Variants in TRPC6 observed in about 807,000 individuals in gnomAD.
TRPC6 encodes the protein short transient receptor potential channel 6.
TRPC6 carries 55 observed loss-of-function variants against 90.7 expected under a neutral mutation model. The observed-to-expected ratio is 0.61, with a 90% confidence interval of 0.49 to 0.76. The LOEUF (loss-of-function observed/expected upper bound fraction) is 0.76, where lower values mean the gene tolerates loss of function less well. TRPC6 is among the 30% of genes least tolerant of loss of function. TRPC6 has a pLI of 0.00. For missense variants in TRPC6, 989 were observed against 1,122.7 expected (o/e 0.88, Z 1.70); for synonymous variants, 393 against 393.0 (o/e 1.00, Z 0.00).
At chr11:101,543,153 A>G (rs1861215402) in intron 1 of TRPC6, among the ~76,000 whole-genome samples, 1 of 152,132 alleles carries the variant, frequency 6.6e-6, no homozygotes. Flanking sequence ...GTATGTGAAA[A>G]GGTGCTCAAC....
chr11:101,530,832 TAATA>T (rs1258434941), intron 1 of TRPC6, among the ~76,000 whole-genome samples: 3 of 152,012 alleles, frequency 2.0e-5, no homozygotes, highest in Non-Finnish European at 2.9e-5. Flanking sequence ...ATAAGATATT[TAATA>T]AATAAATAGA....
At chr11:101,567,374 G>A (rs1367545809) in intron 1 of TRPC6, among the ~76,000 whole-genome samples, 2 of 151,164 alleles carry the variant, frequency 1.3e-5, no homozygotes, top group Non-Finnish European at 2.9e-5. Context: ...GCCCTAGTCA[G>A]GAACTTAGAA....
intron 1 of TRPC6, among the ~76,000 whole-genome samples, chr11:101,567,347 G>GAA (rs34489792): frequency 0.14 from 20,899 of 149,188 alleles, 1,932 homozygotes; most frequent in East Asian, 0.4. Flanking sequence ...GGGCATCTCT[G>GAA]AAAAAAAAAA....
intron 1 of TRPC6, among the ~76,000 whole-genome samples, 179 bp from the exon 2 acceptor site, chr11:101,504,977 C>G (rs917177784): frequency 6.6e-6 from 1 of 152,164 alleles, no homozygotes; most frequent in Non-Finnish European, 1.5e-5. Flanking sequence ...AAGAACTTCA[C>G]GTCTAAGAAA....
intron 10 of TRPC6, among the ~76,000 whole-genome samples, chr11:101,463,830 T>C (rs1859068120): frequency 6.6e-6 from 1 of 152,218 alleles, no homozygotes. Context: ...ATCTTAGTTA[T>C]TTCTTGTATT....
At chr11:101,557,975 C>G (rs1861596389) in intron 1 of TRPC6, among the ~76,000 whole-genome samples, 2 of 151,960 alleles carry the variant, frequency 1.3e-5, no homozygotes, top group Admixed American at 1.3e-4. Flanking sequence ...TCTACAGATT[C>G]AATGCAATCC....
intron 3 of TRPC6, among the ~76,000 whole-genome samples, chr11:101,490,065 T>C (rs1167382860): frequency 6.6e-6 from 1 of 152,202 alleles, no homozygotes. Context: ...AAATTTGACA[T>C]ATTAATTCCA....
At chr11:101,578,903 TTTTC>T (rs1332349601) in intron 1 of TRPC6, among the ~76,000 whole-genome samples, 2 of 152,164 alleles carry the variant, frequency 1.3e-5, no homozygotes, top group Non-Finnish European at 2.9e-5. Context: ...CAAATCTCTG[TTTTC>T]TTTAATTTTT....
intron 4 of TRPC6, among the ~76,000 whole-genome samples, chr11:101,485,009 T>C (rs919461410): frequency 6.6e-6 from 1 of 152,124 alleles, no homozygotes; most frequent in Non-Finnish European, 1.5e-5. Flanking sequence ...GTTTATAGAA[T>C]AATGCCAAAA....
chr11:101,526,382 G>T (rs938439712), intron 1 of TRPC6, among the ~76,000 whole-genome samples: 1 of 152,076 alleles, frequency 6.6e-6, no homozygotes, highest in South Asian at 2.1e-4. Flanking sequence ...TAAGATACAT[G>T]CTTTGAACTT....
rs548064568 is a variant in TRPC6, at chr11:101,583,657, G to T, written c.-154C>A. ...CGACGGTGAAGCAGGGGGTGCAGAC[G>T]CCCGCCGCAAGTGGCTCGCCCACTG... On this transcript the variant is annotated 5_prime_UTR_variant, in exon 1 of 13. Coordinates refer to ENST00000344327, the MANE Select transcript of TRPC6 (RefSeq NM_004621.6). 2.1e-5 allele frequency: 16 copies of T among 775,490 alleles called. No homozygotes were observed. In the African/African-American group the frequency reaches 2.6e-4, roughly 12 times the overall value. The allele number at this position is 775,490 out of a possible 1,614,324, so 48.0% of individuals were successfully genotyped here.
intron 4 of TRPC6, among the ~76,000 whole-genome samples, chr11:101,485,588 T>TA (rs1386765118): frequency 3.8e-5 from 5 of 132,116 alleles, no homozygotes; most frequent in African/African-American, 1.0e-4. Flanking sequence ...TTTTTTTTTT[T>TA]TAATTCTCAA....
intron 1 of TRPC6, among the ~76,000 whole-genome samples, chr11:101,553,351 A>G (rs1861491972): frequency 6.6e-6 from 1 of 151,808 alleles, no homozygotes; most frequent in African/African-American, 2.4e-5. Flanking sequence ...TTTCCTCCTG[A>G]CTAGGCTTTG....
intron 1 of TRPC6, among the ~76,000 whole-genome samples, chr11:101,542,314 G>GA (rs1176069160): frequency 3.3e-5 from 5 of 152,152 alleles, no homozygotes; most frequent in Non-Finnish European, 7.4e-5. Flanking sequence ...CCTCATGACT[G>GA]AAAAAATGTA....
chr11:101,477,678 T>C (rs1037082888), intron 5 of TRPC6, among the ~76,000 whole-genome samples: 21 of 152,204 alleles, frequency 1.4e-4, no homozygotes, highest in African/African-American at 4.8e-4. Flanking sequence ...ATTTAAACTA[T>C]CTAAAACTCA....
At chr11:101,518,945 G>C (rs1201850138) in intron 1 of TRPC6, among the ~76,000 whole-genome samples, 2 of 152,218 alleles carry the variant, frequency 1.3e-5, no homozygotes, top group Non-Finnish European at 2.9e-5. Flanking sequence ...GGTACGGAAA[G>C]ACAAGCTTTG....
At chr11:101,520,525 A>G (rs544823975) in intron 1 of TRPC6, among the ~76,000 whole-genome samples, 4 of 152,350 alleles carry the variant, frequency 2.6e-5, no homozygotes, top group East Asian at 1.9e-4. Flanking sequence ...AGGTTGGAAC[A>G]GTTTGGAGGG....
intron 2 of TRPC6, among the ~76,000 whole-genome samples, chr11:101,500,441 C>T (rs1468832830): frequency 6.6e-6 from 1 of 151,964 alleles, no homozygotes; most frequent in Non-Finnish European, 1.5e-5. Context: ...AACTCCTGAC[C>T]TCATGATCCA....
In TRPC6 at chr11:101,555,357, C is replaced by T. The variant is rs543512112; in HGVS notation, c.170+27977G>A. 1.4e-3 allele frequency among the ~76,000 whole-genome samples: 218 copies of T among 152,280 alleles called. 1 individual carries two copies. Among genetic ancestry groups the T allele is most frequent in the African/African-American group, 5.0e-3 (208 of 41,552 alleles). ...TACTCTTTCACCATTCTGCAATGGACTTCTATTATTTAACAACGACCACCA... is the reference window on the plus strand; with the variant it reads ...TACTCTTTCACCATTCTGCAATGGATTTCTATTATTTAACAACGACCACCA... On this transcript the variant is annotated intron_variant, in intron 1 of 12. Transcript: ENST00000344327.
Sources: allele counts gnomAD v4.1 joint callset (sites outside exome capture counted in the v4.1 genomes callset), GRCh38; gene constraint gnomAD v4.1.1; transcripts MANE v1.5; gene names NCBI Gene and HGNC (gene_info 2026-07-23, HGNC 2026-07-21).